Variants in METTL15 observed in about 807,000 individuals in gnomAD.
The protein encoded by METTL15 is 12S rRNA N(4)-cytidine methyltransferase METTL15.
In METTL15, 34 loss-of-function variants were observed where a neutral mutation model predicts 38.3. The ratio of observed to expected loss-of-function variants is 0.89; its 90% CI spans 0.68 to 1.18. METTL15 has a LOEUF of 1.18. Among genes scored for constraint, METTL15 ranks in the 50% most tolerant of loss-of-function variants. The pLI, the probability that METTL15 is intolerant of heterozygous loss-of-function variation, is 0.00. For missense variants in METTL15, 438 were observed against 498.4 expected (o/e 0.88, Z 1.15); for synonymous variants, 162 against 170.9 (o/e 0.95, Z 0.41).
rs140813993 is a variant in METTL15, at chr11:28,343,551, C to A, written c.*190-8539C>A. Among the ~76,000 whole-genome samples, 470 of 152,292 alleles carry A rather than the reference C, an allele frequency of 3.1e-3. 10 individuals carry two copies. The South Asian group carries it at 0.039, about 13-fold the overall frequency. The stretch of plus-strand genomic sequence containing the variant: ...GGGAAAAGTGTATCGCAGCTGCAGT[C>A]CTGCATGCAGTCTTTCTTCAGATCA... On this transcript the variant is annotated intron_variant and NMD_transcript_variant, in intron 3 of 7. Transcript: ENST00000532947.
Position 28,207,526 on chromosome 11 carries a change from G to A in METTL15, c.271-3536G>A, listed in dbSNP as rs187441756. On this transcript the variant is annotated intron_variant, in intron 3 of 6. Transcript: ENST00000407364. ...TTGGGCTTGCCAGTATTTTATTGAGGATTTTTGCATCAGGGTTCATCAAGG... is the reference window on the plus strand; with the variant it reads ...TTGGGCTTGCCAGTATTTTATTGAGAATTTTTGCATCAGGGTTCATCAAGG... 6.4e-4 allele frequency among the ~76,000 whole-genome samples: 98 copies of A among 152,234 alleles called. 2 individuals carry two copies. Among genetic ancestry groups the A allele is most frequent in the African/African-American group, 2.3e-3 (94 of 41,526 alleles).
chr11:28,151,372 A>G (rs999264556), intron 3 of METTL15, among the ~76,000 whole-genome samples: 1 of 151,948 alleles, frequency 6.6e-6, no homozygotes, highest in Non-Finnish European at 1.5e-5. Flanking sequence ...ATTTACTGTT[A>G]TATGGATCTA....
chr11:28,513,872 C>T (rs1851697320), intron 6 of METTL15, among the ~76,000 whole-genome samples: 1 of 152,230 alleles, frequency 6.6e-6, no homozygotes, highest in African/African-American at 2.4e-5. Context: ...TCTTTGCCCT[C>T]ATTCCGGTAA....
rs568616468 is a variant in METTL15 at position 28,168,010 on chromosome 11, G to A, written c.271-43052G>A. On this transcript the variant is annotated intron_variant, in intron 3 of 6. Transcript: ENST00000407364. ...TTTTTAGAATTAAAATTAGAAGATC[G>A]AAATGAAGATTATTTAAAACCTGTA... 3.3e-5 allele frequency among the ~76,000 whole-genome samples: 5 copies of A among 152,022 alleles called. 1 individual carries two copies. In the South Asian group the frequency reaches 8.3e-4, roughly 25 times the overall value.
chr11:28,255,349 G>C (rs184949835), intron 4 of METTL15, among the ~76,000 whole-genome samples: 135 of 152,092 alleles, frequency 8.9e-4, no homozygotes, highest in African/African-American at 3.2e-3. Context: ...AGTTTTGTTG[G>C]GTGGAATCTT....
At chr11:28,273,360 C>A (rs1458831529) in intron 4 of METTL15, among the ~76,000 whole-genome samples, 1 of 151,912 alleles carries the variant, frequency 6.6e-6, no homozygotes, top group Non-Finnish European at 1.5e-5. Flanking sequence ...TGGAACATTC[C>A]TAAGGGACTT....
intron 6 of METTL15, among the ~76,000 whole-genome samples, chr11:28,318,882 G>A (rs189362908): frequency 1.0e-3 from 156 of 152,268 alleles, no homozygotes; most frequent in Non-Finnish European, 1.7e-3. Context: ...GGCAGCAGTA[G>A]CAACTGATTC....
downstream of METTL15, among the ~76,000 whole-genome samples, chr11:28,335,763 C>T (rs1018255680): frequency 2.0e-5 from 3 of 152,174 alleles, no homozygotes; most frequent in South Asian, 2.1e-4. Context: ...TACACACCAG[C>T]TCCCCTTTGC....
intron 6 of METTL15, among the ~76,000 whole-genome samples, chr11:28,443,661 C>T (rs529847481): frequency 3.3e-5 from 5 of 152,286 alleles, no homozygotes; most frequent in Non-Finnish European, 7.3e-5. Context: ...ATGACATCTC[C>T]AGTTGCTTAG....
intron 3 of METTL15, among the ~76,000 whole-genome samples, chr11:28,181,416 C>A (rs185146020): frequency 2.0e-5 from 3 of 151,946 alleles, no homozygotes; most frequent in African/African-American, 4.8e-5. Flanking sequence ...TAGTACCTCA[C>A]CCCCTGACAG....
At chr11:28,526,806 C>T (rs1456236939) in exon 8 of METTL15, 1 of 152,210 alleles carries the variant, frequency 6.6e-6, no homozygotes, top group Non-Finnish European at 1.5e-5. Flanking sequence ...AATGCAAGCC[C>T]TGACACAGAC....
chr11:28,518,042 A>C (rs1851733464), intron 6 of METTL15, among the ~76,000 whole-genome samples: 1 of 152,190 alleles, frequency 6.6e-6, no homozygotes, highest in Admixed American at 6.5e-5. Context: ...GTTAATGTTC[A>C]TGTCGTTAAG....
chr11:28,248,853 C>T (rs1024939283), intron 4 of METTL15, among the ~76,000 whole-genome samples: 1 of 151,930 alleles, frequency 6.6e-6, no homozygotes, highest in African/African-American at 2.4e-5. Context: ...AACTTATCTT[C>T]CAACATGCCA....
intron 6 of METTL15, among the ~76,000 whole-genome samples, chr11:28,447,951 A>G (rs368871689): frequency 1.5e-3 from 230 of 152,276 alleles, no homozygotes; most frequent in African/African-American, 5.5e-3. Flanking sequence ...CTTTAAGTAT[A>G]GTGAATCTTG....
At chr11:28,258,571 C>T (rs1855067744) in intron 4 of METTL15, among the ~76,000 whole-genome samples, 1 of 152,152 alleles carries the variant, frequency 6.6e-6, no homozygotes, top group African/African-American at 2.4e-5. Context: ...CGTAGCTGAG[C>T]TGGCACTCAA....
intron 4 of METTL15, among the ~76,000 whole-genome samples, chr11:28,248,701 T>G (rs1854613954): frequency 6.6e-6 from 1 of 152,066 alleles, no homozygotes; most frequent in Admixed American, 6.6e-5. Context: ...ACTTTGCTTC[T>G]TTTATATTCC....
chr11:28,523,081 A>G (rs1851777177), intron 6 of METTL15, among the ~76,000 whole-genome samples: 1 of 152,238 alleles, frequency 6.6e-6, no homozygotes, highest in African/African-American at 2.4e-5. Context: ...ATAAACCAAT[A>G]GTTGTTTAAA....
chr11:28,433,410 G>GA (rs1208832186), intron 6 of METTL15, among the ~76,000 whole-genome samples: 3 of 152,124 alleles, frequency 2.0e-5, no homozygotes, highest in Non-Finnish European at 4.4e-5. Context: ...ACCTCTGTTT[G>GA]AACTTTGACT....
chr11:28,151,477 C>T (rs954960017), intron 3 of METTL15, among the ~76,000 whole-genome samples: 1 of 151,936 alleles, frequency 6.6e-6, no homozygotes, highest in Non-Finnish European at 1.5e-5. Context: ...CATTTTACCT[C>T]TTCAACCTCC....
Sources: allele counts gnomAD v4.1 joint callset (sites outside exome capture counted in the v4.1 genomes callset), GRCh38; gene constraint gnomAD v4.1.1; transcripts MANE v1.5; gene names NCBI Gene and HGNC (gene_info 2026-07-23, HGNC 2026-07-21).